KRT8: variants seen among roughly 807,000 people sequenced by gnomAD.
The protein encoded by KRT8 is keratin, type II cytoskeletal 8.
Under a neutral mutation model 43.0 loss-of-function variants are expected in KRT8, and 24 were observed. The observed-to-expected ratio is 0.56, with a 90% CI of 0.40 to 0.78. KRT8 has a LOEUF of 0.78. Ranked by LOEUF, KRT8 falls within the 30% of genes least tolerant of loss-of-function variation. The pLI is 0.00. For synonymous variants in KRT8, 214 were observed against 261.2 expected (o/e 0.82, Z 1.74); for missense variants, 492 against 638.4 (o/e 0.77, Z 2.47).
intron 7 of KRT8, 105 bp from the exon 8 acceptor site, chr12:52,897,723 G>T: frequency 6.7e-7 from 1 of 1,488,104 alleles, no homozygotes; most frequent in Non-Finnish European, 9.2e-7. Context: ...GGGATGGGAG[G>T]TTAACCCAGC....
intron 2 of KRT8, among the ~76,000 whole-genome samples, chr12:52,932,116 T>C (rs1462014805): frequency 2.1e-5 from 3 of 146,322 alleles, no homozygotes; most frequent in Non-Finnish European, 4.5e-5. Flanking sequence ...TTTTTTGAGA[T>C]GGAGTCTCAC....
At chr12:52,904,733 G>A (rs1941468027) in exon 1 of KRT8, 2 of 1,612,838 alleles carry the variant, frequency 1.2e-6, no homozygotes, top group Non-Finnish European at 1.7e-6. Flanking sequence ...CGGCCTGGAT[G>A]TTGGGGTCCA....
upstream of KRT8, among the ~76,000 whole-genome samples, chr12:52,906,170 G>C (rs1480844042): frequency 6.6e-6 from 1 of 152,172 alleles, no homozygotes; most frequent in East Asian, 1.9e-4. Flanking sequence ...GGATCCCCTG[G>C]GCCAGGTGAA....
intron 2 of KRT8, among the ~76,000 whole-genome samples, chr12:52,943,713 G>T (rs996704960): frequency 2.6e-5 from 4 of 152,188 alleles, no homozygotes; most frequent in African/African-American, 9.6e-5. Flanking sequence ...GGCCCCGCAG[G>T]TTAGCTGTGA....
At chr12:52,940,067 A>C (rs1942241031) in intron 2 of KRT8, among the ~76,000 whole-genome samples, 1 of 152,234 alleles carries the variant, frequency 6.6e-6, no homozygotes, top group Non-Finnish European at 1.5e-5. Context: ...GGAAGGATAA[A>C]TACTGATACC....
At chr12:52,905,656 G>C (rs1284843364), upstream of KRT8, among the ~76,000 whole-genome samples, 1 of 151,886 alleles carries the variant, frequency 6.6e-6, no homozygotes, top group African/African-American at 2.4e-5. Flanking sequence ...GTGCCAAGAG[G>C]GTCTGGGTAG....
At position 52,898,078 on chromosome 12, in the gene KRT8, T is replaced by A. The variant is rs538603598; in HGVS notation, c.1261+383A>T. On this transcript the variant is annotated intron_variant, in intron 7 of 7. Coordinates refer to ENST00000692008, the Ensembl canonical transcript of KRT8. ...ACTTGGGAGGCCTGAGGCAGGAGAA[T>A]CTCTTGAACCCAGGAGGTGGAGGTT... is the stretch of plus-strand genomic sequence containing the variant. Among the ~76,000 whole-genome samples the A allele has an allele frequency of 2.2e-4, 34 of 152,254 alleles. 1 individual carries two copies. Among genetic ancestry groups the A allele is most frequent in the Admixed American group, 1.6e-3 (25 of 15,296 alleles).
intron 1 of KRT8, among the ~76,000 whole-genome samples, chr12:52,903,881 C>T (rs1198519875): frequency 7.1e-6 from 1 of 140,916 alleles, no homozygotes; most frequent in African/African-American, 2.6e-5. Context: ...CACCCCACCC[C>T]ACCCACACCG....
intron 2 of KRT8, among the ~76,000 whole-genome samples, chr12:52,928,921 G>A (rs1426460644): frequency 1.3e-5 from 2 of 152,006 alleles, no homozygotes; most frequent in Non-Finnish European, 2.9e-5. Context: ...AACAAAAATA[G>A]AAAGGGAATC....
intron 3 of KRT8, chr12:52,900,923 T>C: frequency 1.6e-6 from 1 of 631,790 alleles, no homozygotes. Context: ...TAGAGCCAGA[T>C]CTCCAGTTCT....
intron 6 of KRT8, 38 bp downstream of exon 6, chr12:52,898,641 A>T (rs1295509951): frequency 1.9e-6 from 3 of 1,612,986 alleles, no homozygotes. Flanking sequence ...GGTCCCAGGG[A>T]TAGGGAAGCA....
At chr12:52,938,149 T>C in intron 2 of KRT8, among the ~76,000 whole-genome samples, 1 of 35,770 alleles carries the variant, frequency 2.8e-5, no homozygotes, top group South Asian at 7.9e-4. Context: ...TATATATATA[T>C]ATATATATAT....
chr12:52,915,567 G>A (rs530137305), intron 2 of KRT8, among the ~76,000 whole-genome samples: 322 of 151,838 alleles, frequency 2.1e-3, no homozygotes, highest in Non-Finnish European at 3.5e-3. Context: ...AAAATCAGCC[G>A]AGCATGGTGG....
In KRT8 at chr12:52,919,566, C is replaced by T. The variant is rs189796393; in HGVS notation, c.-46-14539G>A. ...TACAGGTGTGAGCCACCATGCCCAG[C>T]CATGGCTTTCATTTTCAGGGTTCCT... On this transcript the variant is annotated intron_variant, in intron 2 of 6. Coordinates refer to the KRT8 transcript ENST00000546826. 2.2e-3 allele frequency among the ~76,000 whole-genome samples: 328 copies of T among 151,416 alleles called. 2 individuals carry two copies. The highest frequency in any genetic ancestry group is 7.6e-3 in the African/African-American group (315 of 41,306).
intron 2 of KRT8, among the ~76,000 whole-genome samples, chr12:52,938,170 A>ATATATATTT (rs1555189967): frequency 1.3e-4 from 4 of 30,306 alleles, no homozygotes; most frequent in East Asian, 1.1e-3. Context: ...ATATATATAT[A>ATATATATTT]TTTTTTTTTT....
chr12:52,899,808 C>T, exon 5 of KRT8: 9 of 1,612,038 alleles, frequency 5.6e-6, no homozygotes, highest in Non-Finnish European at 6.8e-6. Context: ...CAGCCTGGAG[C>T]CGGCTGATGT....
chr12:52,925,628 C>A (rs575449254), intron 2 of KRT8, among the ~76,000 whole-genome samples: 53 of 152,266 alleles, frequency 3.5e-4, no homozygotes, highest in African/African-American at 1.2e-3. Context: ...TGATTCATCT[C>A]CACAAAGGCT....
intron 2 of KRT8, among the ~76,000 whole-genome samples, chr12:52,923,730 T>C (rs763952869): frequency 1.3e-5 from 2 of 152,168 alleles, no homozygotes; most frequent in Non-Finnish European, 2.9e-5. Context: ...AAATTATTTT[T>C]ATTACTAATT....
At chr12:52,933,522 T>TA (rs1217285443) in intron 2 of KRT8, among the ~76,000 whole-genome samples, 1 of 152,166 alleles carries the variant, frequency 6.6e-6, no homozygotes, top group Non-Finnish European at 1.5e-5. Flanking sequence ...GCCATCCCAA[T>TA]AAAAATCTCT....
Sources: gnomAD v4.1 joint callset for allele counts (sites outside exome capture counted in the v4.1 genomes callset) on GRCh38, gnomAD v4.1.1 for gene constraint, MANE v1.5 for transcripts, NCBI Gene and HGNC (gene_info 2026-07-23, HGNC 2026-07-21) for gene names.